The following STK32A variants were observed in gnomAD, a reference collection of about 807,000 sequenced individuals.
STK32A encodes the protein serine/threonine-protein kinase 32A.
A neutral mutation model predicts 53.2 loss-of-function variants in STK32A; 41 were observed. The ratio of observed to expected loss-of-function variants is 0.77; its 90% confidence interval spans 0.60 to 1.00. The LOEUF is 1.00. Ranked by LOEUF, STK32A falls within the 50% of genes least tolerant of loss-of-function variation. The pLI is 0.00. For synonymous variants in STK32A, 166 were observed against 162.8 expected (o/e 1.02, Z -0.15); for missense variants, 458 against 485.8 (o/e 0.94, Z 0.54).
chr5:147,354,924 C>A (rs1310042321), intron 7 of STK32A, among the ~76,000 whole-genome samples: 2 of 152,174 alleles, frequency 1.3e-5, no homozygotes, highest in African/African-American at 2.4e-5. Context: ...TATGTGATTG[C>A]CACACTCCTC....
At chr5:147,237,535 T>A (rs1456089326) in intron 1 of STK32A, among the ~76,000 whole-genome samples, 1 of 151,788 alleles carries the variant, frequency 6.6e-6, no homozygotes, top group African/African-American at 2.4e-5. Context: ...CTCTTTTTGA[T>A]TTTTTATCCT....
intron 5 of STK32A, among the ~76,000 whole-genome samples, chr5:147,339,269 T>G (rs1230243681): frequency 1.3e-5 from 2 of 152,200 alleles, no homozygotes; most frequent in Non-Finnish European, 2.9e-5. Flanking sequence ...TCAGAGGGTG[T>G]AAGCAGCAAG....
intron 11 of STK32A, among the ~76,000 whole-genome samples, chr5:147,380,320 G>A (rs1757401900): frequency 6.6e-6 from 1 of 152,140 alleles, no homozygotes; most frequent in African/African-American, 2.4e-5. Flanking sequence ...TTGCAAGTAA[G>A]AGTGAAATAC....
At chr5:147,382,616 T>G (rs543453164) in intron 11 of STK32A, among the ~76,000 whole-genome samples, 1 of 152,320 alleles carries the variant, frequency 6.6e-6, no homozygotes, top group African/African-American at 2.4e-5. Context: ...TTTTTATTTT[T>G]TATTATTGTT....
At chr5:147,323,800 AAG>A in intron 4 of STK32A, 96 bp from the exon 5 acceptor site, 1 of 1,078,908 alleles carries the variant, frequency 9.3e-7, no homozygotes, top group Non-Finnish European at 1.3e-6. Flanking sequence ...CTCTTAGCTC[AAG>A]AACACTCTGC....
At chr5:147,317,323 C>CTTTTTTTTT (rs3064294) in intron 4 of STK32A, among the ~76,000 whole-genome samples, 39 of 81,314 alleles carry the variant, frequency 4.8e-4, no homozygotes, top group African/African-American at 5.5e-4. Context: ...CTTTTTCTTT[C>CTTTTTTTTT]TTTTTTTTTT....
At chr5:147,335,738 C>T (rs1271218680) in intron 5 of STK32A, among the ~76,000 whole-genome samples, 1 of 152,168 alleles carries the variant, frequency 6.6e-6, no homozygotes, top group Non-Finnish European at 1.5e-5. Flanking sequence ...TCCTTCCCTA[C>T]AGTCAGGGTG....
chr5:147,285,783 C>A (rs201518950), intron 4 of STK32A, among the ~76,000 whole-genome samples: 1 of 150,244 alleles, frequency 6.7e-6, no homozygotes, highest in Non-Finnish European at 1.5e-5. Context: ...AAAAAAAAAT[C>A]AAAAAACAGC....
chr5:147,266,581 C>T (rs1447561253), intron 2 of STK32A, among the ~76,000 whole-genome samples: 1 of 152,214 alleles, frequency 6.6e-6, no homozygotes, highest in East Asian at 1.9e-4. Context: ...TAATTATGCA[C>T]CTACTATGAT....
chr5:147,309,659 T>C (rs1464459957), intron 4 of STK32A, among the ~76,000 whole-genome samples: 1 of 152,188 alleles, frequency 6.6e-6, no homozygotes, highest in African/African-American at 2.4e-5. Context: ...ACTTAAAGAA[T>C]CGTATATATG....
intron 5 of STK32A, among the ~76,000 whole-genome samples, chr5:147,333,187 C>G (rs1274463161): frequency 6.6e-6 from 1 of 152,134 alleles, no homozygotes; most frequent in East Asian, 1.9e-4. Flanking sequence ...AAATATAAAA[C>G]TATGGTTTTA....
rs1035812704 is a variant in STK32A at position 147,377,983 on chromosome 5, G to A, written c.1032+2765G>A. Among the ~76,000 whole-genome samples, 8 of 152,206 alleles carry A rather than the reference G, an allele frequency of 5.3e-5. No homozygotes were observed. The East Asian group carries it at 1.5e-3, about 29-fold the overall frequency. On this transcript the variant is annotated intron_variant, in intron 11 of 12. Coordinates refer to ENST00000397936, the MANE Select transcript of STK32A (RefSeq NM_001112724.2). ...CAAAGAATAGTCTTTCTTCCAAGAAGAATCAGAAAGATTATGAACTATTTT... is the reference window on the plus strand; with the variant it reads ...CAAAGAATAGTCTTTCTTCCAAGAAAAATCAGAAAGATTATGAACTATTTT...
At chr5:147,299,518 G>A (rs1019940243) in intron 4 of STK32A, among the ~76,000 whole-genome samples, 39 of 152,122 alleles carry the variant, frequency 2.6e-4, no homozygotes, top group African/African-American at 8.9e-4. Context: ...TGGTTCACAC[G>A]CCTCTGACAG....
At chr5:147,323,104 C>T (rs893488474) in intron 4 of STK32A, among the ~76,000 whole-genome samples, 1 of 152,188 alleles carries the variant, frequency 6.6e-6, no homozygotes, top group African/African-American at 2.4e-5. Flanking sequence ...AACGTTTTGG[C>T]ACCACCATTT....
intron 6 of STK32A, 59 bp from the exon 7 acceptor site, chr5:147,351,006 G>T (rs1009422209): frequency 2.9e-5 from 42 of 1,463,124 alleles, no homozygotes; most frequent in Non-Finnish European, 3.8e-5. Context: ...TTAAAAGCAT[G>T]ATTGTGCCAC....
chr5:147,334,091 G>A (rs989754531), intron 5 of STK32A, among the ~76,000 whole-genome samples: 3 of 152,036 alleles, frequency 2.0e-5, no homozygotes, highest in Non-Finnish European at 4.4e-5. Flanking sequence ...AAACAACTAC[G>A]GGCCATTACA....
chr5:147,331,065 C>T (rs1223329236), intron 5 of STK32A, among the ~76,000 whole-genome samples: 1 of 152,128 alleles, frequency 6.6e-6, no homozygotes, highest in Non-Finnish European at 1.5e-5. Flanking sequence ...TCATTTTAGT[C>T]AATGATCATT....
At position 147,300,614 on chromosome 5, in the gene STK32A, T is replaced by G. The variant is rs114393542; in HGVS notation, c.260+21216T>G. ...GCTAAGGCCTTTGGCTTCTGGTTAA[T>G]TGCCCTTTTTGCCATTATGCCAATG... On this transcript the variant is annotated intron_variant, in intron 4 of 12. Transcript: ENST00000397936. Among the ~76,000 whole-genome samples the G allele has an allele frequency of 7.0e-3, 1,065 of 152,346 alleles. 11 individuals are homozygous for G. Among genetic ancestry groups the G allele is most frequent in the African/African-American group, 0.024 (1,015 of 41,578 alleles).
intron 2 of STK32A, among the ~76,000 whole-genome samples, chr5:147,265,097 G>GTA (rs140380411): frequency 1.7e-5 from 2 of 118,808 alleles, no homozygotes; most frequent in African/African-American, 3.0e-5. Context: ...ATATATGTGT[G>GTA]TATATATATA....
Sources: allele counts gnomAD v4.1 joint callset (sites outside exome capture counted in the v4.1 genomes callset), GRCh38; gene constraint gnomAD v4.1.1; transcripts MANE v1.5; gene names NCBI Gene and HGNC (gene_info 2026-07-23, HGNC 2026-07-21).